Variants in PTPRR observed in about 807,000 individuals in gnomAD.
PTPRR encodes receptor-type tyrosine-protein phosphatase R.
PTPRR carries 38 observed loss-of-function variants against 77.2 expected under a neutral mutation model. The ratio of observed to expected loss-of-function variants is 0.49; its 90% CI spans 0.38 to 0.65. The LOEUF (loss-of-function observed/expected upper bound fraction) is 0.65, where lower values mean the gene tolerates loss of function less well. PTPRR is among the 30% of genes least tolerant of loss of function. PTPRR has a pLI of 0.00. For missense variants in PTPRR, 744 were observed against 799.2 expected (o/e 0.93, Z 0.83); for synonymous variants, 299 against 283.1 (o/e 1.06, Z -0.57).
chr12:70,898,376 T>C (rs1210070411), intron 1 of PTPRR, among the ~76,000 whole-genome samples: 3 of 109,812 alleles, frequency 2.7e-5, no homozygotes, highest in African/African-American at 6.4e-5. Flanking sequence ...AGACACCTCA[T>C]TTTATTTTAG....
intron 11 of PTPRR, among the ~76,000 whole-genome samples, 179 bp downstream of exon 11, chr12:70,662,316 T>C (rs1343138711): frequency 6.6e-6 from 1 of 152,222 alleles, no homozygotes; most frequent in Non-Finnish European, 1.5e-5. Context: ...TTAATTATAC[T>C]GCATATTAAT....
Position 70,672,977 on chromosome 12 carries a change from C to T in PTPRR, c.1498-10372G>A, listed in dbSNP as rs1187981272. ...GTGCCAGCCCTGTAAGCCTCCTCTTCTAGGTAGAAGGGAGAAGGATAGAGC... is the reference window on the plus strand; with the variant it reads ...GTGCCAGCCCTGTAAGCCTCCTCTTTTAGGTAGAAGGGAGAAGGATAGAGC... On this transcript the variant is annotated intron_variant, in intron 10 of 13. Transcript: ENST00000283228. The T allele has an allele frequency of 2.3e-6, 3 of 1,331,900 alleles. No individual in the cohort carries two copies. In the African/African-American group the frequency reaches 4.8e-5, roughly 21 times the overall value. The allele number at this position is 1,331,900 out of a possible 1,614,324, so 82.5% of individuals were successfully genotyped here.
At chr12:70,768,550 A>C (rs962475809) in intron 2 of PTPRR, among the ~76,000 whole-genome samples, 1 of 152,210 alleles carries the variant, frequency 6.6e-6, no homozygotes, top group Non-Finnish European at 1.5e-5. Flanking sequence ...CCAGGACCAG[A>C]TGGATTCATA....
At chr12:70,708,482 A>T (rs1888699178) in intron 6 of PTPRR, among the ~76,000 whole-genome samples, 1 of 152,146 alleles carries the variant, frequency 6.6e-6, no homozygotes, top group African/African-American at 2.4e-5. Context: ...TTAACATCCT[A>T]AAGTTACATC....
intron 10 of PTPRR, among the ~76,000 whole-genome samples, chr12:70,682,264 C>G (rs950364802): frequency 6.6e-6 from 1 of 151,354 alleles, no homozygotes; most frequent in Non-Finnish European, 1.5e-5. Context: ...AGGATGGTCT[C>G]GATCTCCTGA....
chr12:70,841,928 T>C (rs1249159803), intron 2 of PTPRR, among the ~76,000 whole-genome samples: 1 of 152,230 alleles, frequency 6.6e-6, no homozygotes, highest in East Asian at 1.9e-4. Flanking sequence ...GTTATCTCCA[T>C]GGTGGTCTAT....
chr12:70,790,846 A>G (rs1399456890), intron 2 of PTPRR, among the ~76,000 whole-genome samples: 1 of 152,122 alleles, frequency 6.6e-6, no homozygotes, highest in Non-Finnish European at 1.5e-5. Flanking sequence ...CATCTCAAAA[A>G]CAAGAGACAA....
At chr12:70,909,778 A>T (rs1173051190) in intron 1 of PTPRR, among the ~76,000 whole-genome samples, 6 of 152,196 alleles carry the variant, frequency 3.9e-5, no homozygotes, top group Non-Finnish European at 8.8e-5. Flanking sequence ...GGGTAGCAGA[A>T]GTGATGATAC....
chr12:70,701,386 C>T, intron 6 of PTPRR, 63 bp from the exon 7 acceptor site: 1 of 1,464,272 alleles, frequency 6.8e-7, no homozygotes, highest in South Asian at 1.2e-5. Flanking sequence ...AAAAACTTGT[C>T]TTTCTGTACA....
chr12:70,673,298 G>C lies in PTPRR; in HGVS notation c.1498-10693C>G, dbSNP rs1337391604. 2.0e-5 allele frequency among the ~76,000 whole-genome samples: 3 copies of C among 152,246 alleles called. No individual in the cohort carries two copies. The South Asian group carries it at 6.2e-4, about 32-fold the overall frequency. On this transcript the variant is annotated intron_variant, in intron 10 of 13. Coordinates refer to ENST00000283228, the MANE Select transcript of PTPRR (RefSeq NM_002849.4). ...AACCCTGATTCAAGAATGAGGTAAA[G>C]CACTAAAGGCACATTCCTGACTTTT...
chr12:70,880,205 C>T (rs7961038), intron 2 of PTPRR, among the ~76,000 whole-genome samples: 18,517 of 152,058 alleles, frequency 0.12, 2,094 homozygotes, highest in African/African-American at 0.3. Context: ...CTTTCAATAC[C>T]TTATGTCATT....
chr12:70,813,384 G>A (rs1349633261), intron 2 of PTPRR, among the ~76,000 whole-genome samples: 1 of 149,102 alleles, frequency 6.7e-6, no homozygotes, highest in Non-Finnish European at 1.5e-5. Context: ...ATCTCAACGT[G>A]GATATTTTAC....
At chr12:70,841,741 A>ATT (rs1402487024) in intron 2 of PTPRR, among the ~76,000 whole-genome samples, 1 of 152,208 alleles carries the variant, frequency 6.6e-6, no homozygotes, top group Non-Finnish European at 1.5e-5. Context: ...TCCTAAATCT[A>ATT]ATAGAGATTT....
intron 2 of PTPRR, among the ~76,000 whole-genome samples, chr12:70,818,136 C>T (rs1187690019): frequency 6.7e-6 from 1 of 149,542 alleles, no homozygotes; most frequent in African/African-American, 2.5e-5. Flanking sequence ...CTCCTGAACC[C>T]AGGATTGAGG....
chr12:70,875,751 T>G (rs894235838), intron 2 of PTPRR, among the ~76,000 whole-genome samples: 1 of 151,956 alleles, frequency 6.6e-6, no homozygotes, highest in African/African-American at 2.4e-5. Flanking sequence ...GAAGTGATTA[T>G]GTAGGAAGAA....
chr12:70,794,272 C>T (rs563514139), intron 2 of PTPRR, among the ~76,000 whole-genome samples: 2 of 152,262 alleles, frequency 1.3e-5, no homozygotes, highest in South Asian at 4.1e-4. Flanking sequence ...ATGGCCATTG[C>T]TAGAAATAAT....
chr12:70,784,988 T>C (rs1012944678), intron 2 of PTPRR, among the ~76,000 whole-genome samples: 1 of 152,232 alleles, frequency 6.6e-6, no homozygotes, highest in Admixed American at 6.5e-5. Context: ...AATTTGGTTT[T>C]GCTGAAATGC....
Position 70,764,676 on chromosome 12 carries a change from T to C in PTPRR, c.460A>G (p.Asn154Asp). The C allele has an allele frequency of 6.2e-7, 1 of 1,612,190 alleles. No homozygotes were observed. The highest frequency in any genetic ancestry group is 8.5e-7 in the Non-Finnish European group (1 of 1,178,194). The part of the protein sequence containing the change: ...LGLLPQQVHI[N>D]RLIGKKNSIE... ...TGTGGGTATCTTACAATGAGGCGAT[T>C]GATGTGCACTTGCTGGGGTAAGAGT... Residue 154 changes from asparagine to aspartate, a missense_variant, in exon 3 of 14, where the codon AAT (asparagine) becomes GAT (aspartate). By Grantham distance (23) the Asn-to-Asp change is conservative. This residue lies in a region of PTPRR where 570 missense variants were observed against 573.2 expected (regional missense o/e 0.99). Coordinates refer to ENST00000283228, the MANE Select transcript of PTPRR (RefSeq NM_002849.4).
At chr12:70,745,470 T>C (rs753325032) in intron 6 of PTPRR, among the ~76,000 whole-genome samples, 5 of 152,234 alleles carry the variant, frequency 3.3e-5, no homozygotes, top group Non-Finnish European at 5.9e-5. Context: ...GAGTTCATTC[T>C]CAGTCTTCTA....
Sources: allele counts gnomAD v4.1 joint callset (sites outside exome capture counted in the v4.1 genomes callset), GRCh38; gene constraint gnomAD v4.1.1; regional missense constraint gnomAD v4.1.1; transcripts MANE v1.5; gene names NCBI Gene and HGNC (gene_info 2026-07-23, HGNC 2026-07-21).